PLPPR1: variants seen among roughly 807,000 people sequenced by gnomAD.
PLPPR1 encodes phospholipid phosphatase-related protein type 1.
Under a neutral mutation model 33.1 loss-of-function variants are expected in PLPPR1, and 10 were observed. The observed-to-expected ratio is 0.30, with a 90% CI of 0.19 to 0.51. PLPPR1 has a LOEUF of 0.51. Ranked by LOEUF, PLPPR1 falls within the 20% of genes least tolerant of loss-of-function variation. The pLI is 0.97. For missense variants in PLPPR1, 304 were observed against 408.1 expected, an observed-to-expected ratio of 0.74 and a Z score of 2.20; for synonymous variants, 151 against 151.0, an observed-to-expected ratio of 1.00 and a Z score of 0.00.
At chr9:101,313,226 C>T (rs1828992608) in intron 6 of PLPPR1, among the ~76,000 whole-genome samples, 1 of 152,162 alleles carries the variant, frequency 6.6e-6, no homozygotes, top group Admixed American at 6.6e-5. Context: ...GCTGGCTCTA[C>T]CCCTTTCAAC....
At chr9:101,214,078 A>G (rs1826738220) in intron 2 of PLPPR1, among the ~76,000 whole-genome samples, 1 of 152,190 alleles carries the variant, frequency 6.6e-6, no homozygotes, top group Non-Finnish European at 1.5e-5. Flanking sequence ...ATCTGTATAA[A>G]GAGATGGATG....
At chr9:101,030,331 ACTGGAGGGGAC>A (rs1481236032) in intron 1 of PLPPR1, among the ~76,000 whole-genome samples, 1 of 150,502 alleles carries the variant, frequency 6.6e-6, no homozygotes, top group Non-Finnish European at 1.5e-5. Context: ...GAAGAGGTTG[ACTGGAGGGGAC>A]GTACACTACA....
chr9:101,223,346 A>AC (rs1307162630), intron 2 of PLPPR1, among the ~76,000 whole-genome samples: 1 of 151,194 alleles, frequency 6.6e-6, no homozygotes. Flanking sequence ...CAAAAAAAAA[A>AC]ACCTTAATTG....
intron 1 of PLPPR1, among the ~76,000 whole-genome samples, chr9:101,176,739 G>A (rs1826024984): frequency 2.0e-5 from 3 of 152,194 alleles, no homozygotes; most frequent in Non-Finnish European, 2.9e-5. Flanking sequence ...CACTTGAGCA[G>A]CGTCAGGGGA....
At chr9:101,265,779 G>A (rs1180810691) in intron 2 of PLPPR1, among the ~76,000 whole-genome samples, 4 of 149,960 alleles carry the variant, frequency 2.7e-5, no homozygotes, top group Admixed American at 6.6e-5. Flanking sequence ...GGCGGATCAC[G>A]AGGTCAGAAG....
At chr9:101,051,415 C>G (rs1830221695) in intron 1 of PLPPR1, among the ~76,000 whole-genome samples, 1 of 152,092 alleles carries the variant, frequency 6.6e-6, no homozygotes, top group African/African-American at 2.4e-5. Flanking sequence ...TCAATATCCT[C>G]CAATAGTAAG....
intron 1 of PLPPR1, among the ~76,000 whole-genome samples, chr9:101,073,027 A>G (rs181322004): frequency 6.6e-6 from 1 of 152,344 alleles, no homozygotes; most frequent in Admixed American, 6.5e-5. Flanking sequence ...TCATATAACT[A>G]CCCTGACAAA....
intron 2 of PLPPR1, among the ~76,000 whole-genome samples, chr9:101,197,339 G>C (rs1826415868): frequency 6.6e-6 from 1 of 152,176 alleles, no homozygotes; most frequent in South Asian, 2.1e-4. Context: ...TCCCAAACTT[G>C]ATGTCTCACT....
chr9:101,243,993 A>G (rs1661687325), intron 2 of PLPPR1, among the ~76,000 whole-genome samples: 1 of 151,856 alleles, frequency 6.6e-6, no homozygotes, highest in Non-Finnish European at 1.5e-5. Context: ...TTGATGAAAG[A>G]GACTTGAGAT....
At chr9:101,184,315 T>G (rs555432863) in intron 1 of PLPPR1, among the ~76,000 whole-genome samples, 2 of 151,196 alleles carry the variant, frequency 1.3e-5, no homozygotes, top group East Asian at 3.9e-4. Flanking sequence ...AAGTGAGGAG[T>G]TGATATCTCA....
chr9:101,085,725 G>A lies in PLPPR1; in HGVS notation c.-46+56623G>A, dbSNP rs970203697. Among the ~76,000 whole-genome samples the A allele has an allele frequency of 1.4e-4, 21 of 152,154 alleles. No homozygotes were observed. The East Asian group carries it at 2.3e-3, about 17-fold the overall frequency. On this transcript the variant is annotated intron_variant, in intron 1 of 7. Transcript: ENST00000374874. The stretch of plus-strand genomic sequence containing the variant: ...TAGGTCAAAGACAGGGACTTTAAAT[G>A]AGGCTGGGGCTAGTTTTCAGAAGAA...
chr9:101,309,465 A>G lies in PLPPR1; in HGVS notation c.636+4A>G. Reference sequence around the variant, plus strand: ...TTACTCCGCCTTATATGCCACGGTGAGTGTGCAAGTCTTGTCTCTCCTAAG... The same window carrying G: ...TTACTCCGCCTTATATGCCACGGTGGGTGTGCAAGTCTTGTCTCTCCTAAG... On this transcript the variant is annotated splice_donor_region_variant and intron_variant, in intron 5 of 7. Transcript: ENST00000374874. 1 of 1,613,280 alleles carries G rather than the reference A, an allele frequency of 6.2e-7. No homozygotes were observed. Among genetic ancestry groups the G allele is most frequent in the Non-Finnish European group, 8.5e-7 (1 of 1,179,428 alleles).
chr9:101,049,851 C>T (rs942193451), intron 1 of PLPPR1, among the ~76,000 whole-genome samples: 5 of 151,508 alleles, frequency 3.3e-5, no homozygotes, highest in South Asian at 2.1e-4. Flanking sequence ...ATAGGCCATG[C>T]GCGGTGGCTC....
intron 2 of PLPPR1, among the ~76,000 whole-genome samples, chr9:101,214,241 T>G (rs116182291): frequency 0.011 from 1,705 of 152,336 alleles, 28 homozygotes; most frequent in African/African-American, 0.036. Flanking sequence ...AAAATTACAA[T>G]TTGACCTGCT....
intron 1 of PLPPR1, among the ~76,000 whole-genome samples, chr9:101,114,232 C>A (rs964036918): frequency 6.6e-6 from 1 of 152,130 alleles, no homozygotes; most frequent in African/African-American, 2.4e-5. Context: ...ATCATTTCAT[C>A]CTCACAACAC....
chr9:101,150,055 T>G (rs1382438133), intron 1 of PLPPR1, among the ~76,000 whole-genome samples: 1 of 152,116 alleles, frequency 6.6e-6, no homozygotes, highest in Admixed American at 6.6e-5. Flanking sequence ...CAGTTGTGTT[T>G]ATTTTATATA....
At chr9:101,235,463 T>C (rs1827280023) in intron 2 of PLPPR1, among the ~76,000 whole-genome samples, 1 of 151,986 alleles carries the variant, frequency 6.6e-6, no homozygotes, top group East Asian at 1.9e-4. Flanking sequence ...TAGTCTCTCT[T>C]TAACAAAATT....
chr9:101,291,657 T>A (rs1253861142), intron 4 of PLPPR1, among the ~76,000 whole-genome samples: 1 of 152,222 alleles, frequency 6.6e-6, no homozygotes, highest in Non-Finnish European at 1.5e-5. Flanking sequence ...CTGCAGCCAC[T>A]GCTGCTGGTA....
chr9:101,188,267 C>T (rs1464966679), intron 2 of PLPPR1, among the ~76,000 whole-genome samples: 6 of 152,084 alleles, frequency 3.9e-5, no homozygotes, highest in Admixed American at 1.3e-4. Context: ...TAGTTTGACA[C>T]ATAGCAGAAT....
Sources: allele counts gnomAD v4.1 joint callset (sites outside exome capture counted in the v4.1 genomes callset), GRCh38; gene constraint gnomAD v4.1.1; transcripts MANE v1.5; gene names NCBI Gene and HGNC (gene_info 2026-07-23, HGNC 2026-07-21).